COQ8A: variants seen among roughly 807,000 people sequenced by gnomAD.
COQ8A encodes the protein atypical kinase COQ8A, mitochondrial.
In COQ8A, 51 loss-of-function variants were observed where a neutral mutation model predicts 65.0. That is an observed-to-expected ratio of 0.78 (90% CI 0.63 to 0.99). The LOEUF (loss-of-function observed/expected upper bound fraction) is 0.99. Among genes scored for constraint, COQ8A ranks in the 50% least tolerant of loss-of-function variants. The pLI is 0.00. For synonymous variants in COQ8A, 371 were observed against 353.2 expected, an observed-to-expected ratio of 1.05 and a Z score of -0.57; for missense variants, 940 against 875.0, an observed-to-expected ratio of 1.07 and a Z score of -0.94.
intron 4 of COQ8A, among the ~76,000 whole-genome samples, chr1:226,966,271 G>A (rs1257928669): frequency 1.3e-5 from 2 of 152,340 alleles, no homozygotes; most frequent in East Asian, 1.9e-4. Flanking sequence ...GTTTAAAGCC[G>A]TTTGTCTGTA....
intron 1 of COQ8A, among the ~76,000 whole-genome samples, chr1:226,945,860 CATGAGCGGGATT>C (rs1202347459): frequency 6.6e-6 from 1 of 152,232 alleles, no homozygotes; most frequent in Non-Finnish European, 1.5e-5. Context: ...GTGTGCCCAC[CATGAGCGGGATT>C]ATGAAGCTGG....
intron 9 of COQ8A, 36 bp downstream of exon 9, chr1:226,983,669 G>A (rs1031831880): frequency 6.2e-7 from 1 of 1,612,654 alleles, no homozygotes; most frequent in Non-Finnish European, 8.5e-7. Flanking sequence ...GGGCAGGAGT[G>A]GGTGGCAGGC....
chr1:226,961,251 GA>G (rs2148051199), intron 1 of COQ8A, 125 bp from the exon 2 acceptor site: 1 of 1,002,246 alleles, frequency 1.0e-6, no homozygotes, highest in East Asian at 2.4e-5. Flanking sequence ...TCTCTTAGCA[GA>G]AGGGGAGATC....
At chr1:226,985,088 CAGTT>C (rs1036374554) in intron 13 of COQ8A, 147 bp downstream of exon 13, 242 of 1,302,646 alleles carry the variant, frequency 1.9e-4, no homozygotes, top group Middle Eastern at 3.8e-4. Context: ...TGACAGCAGG[CAGTT>C]AGGCTGACAG....
chr1:226,981,483 T>A (rs1486947027), intron 5 of COQ8A, among the ~76,000 whole-genome samples: 1 of 152,226 alleles, frequency 6.6e-6, no homozygotes, highest in Non-Finnish European at 1.5e-5. Context: ...CGGGCACCCC[T>A]GGGCTGTGCT....
intron 5 of COQ8A, among the ~76,000 whole-genome samples, chr1:226,980,219 G>A (rs891447152): frequency 1.3e-5 from 2 of 152,218 alleles, no homozygotes; most frequent in African/African-American, 4.8e-5. Context: ...GCACACTGCC[G>A]TAGCCCTGGG....
Position 226,984,866 on chromosome 1 carries a change from C to G in COQ8A, c.1507-10C>G. On this transcript the variant is annotated splice_polypyrimidine_tract_variant and intron_variant, in intron 12 of 14. Transcript: ENST00000366777. ...CAGGGCCAAACTTCTCCTGGTGTCT[C>G]TGTCCCCAGGTGGCTCTTTTGGATT... is the stretch of plus-strand genomic sequence containing the variant. 1 of 1,614,076 alleles carries G rather than the reference C, an allele frequency of 6.2e-7. No individual in the cohort carries two copies. The highest frequency in any genetic ancestry group is 8.5e-7 in the Non-Finnish European group (1 of 1,179,906).
At chr1:226,983,953 A>AGGGCTGGGGTTGC in intron 10 of COQ8A, 99 bp downstream of exon 10, 1 of 1,529,820 alleles carries the variant, frequency 6.5e-7, no homozygotes, top group East Asian at 2.4e-5. Context: ...TGAGGGGCAG[A>AGGGCTGGGGTTGC]GGGCTGGGGT....
chr1:226,969,531 C>T (rs538610981), intron 4 of COQ8A, among the ~76,000 whole-genome samples: 27 of 152,268 alleles, frequency 1.8e-4, no homozygotes, highest in South Asian at 1.2e-3. Flanking sequence ...CCACCGCGCC[C>T]GGCCAGATTT....
chr1:226,978,169 CT>C (rs1183914573), intron 5 of COQ8A, among the ~76,000 whole-genome samples: 1 of 150,660 alleles, frequency 6.6e-6, no homozygotes, highest in African/African-American at 2.4e-5. Flanking sequence ...ACCCACGCAC[CT>C]TTTTACATCC....
Position 226,965,386 on chromosome 1 carries a change from C to T in COQ8A, c.564C>T (p.Pro188=), listed in dbSNP as rs140897240. 20 of 1,610,710 alleles carry T rather than the reference C, an allele frequency of 1.2e-5. No individual in the cohort carries two copies. The highest frequency in any genetic ancestry group is 6.7e-5 in the East Asian group (3 of 44,838). ...AGGCCCGGCAGGCTAAGGCTCGCCC[C>T]GAGAACAAGCAGCACAAACAGACGG... ...IEKARQAKAR[P]ENKQHKQTLS... is the part of the protein sequence containing the mutation. Residue 188 remains proline (P), a synonymous_variant, in exon 3 of 15, where the codon CCC becomes CCT. Transcript: ENST00000366777.
chr1:226,962,032 C>G (rs1377432330), intron 2 of COQ8A, among the ~76,000 whole-genome samples: 1 of 152,196 alleles, frequency 6.6e-6, no homozygotes, highest in African/African-American at 2.4e-5. Flanking sequence ...TACTATCACA[C>G]TAGGGGCTAG....
intron 1 of COQ8A, among the ~76,000 whole-genome samples, chr1:226,961,041 T>C (rs1285374567): frequency 6.6e-6 from 1 of 152,168 alleles, no homozygotes; most frequent in East Asian, 1.9e-4. Context: ...ACTCAAGTCC[T>C]GGTTCTGCTG....
At chr1:226,961,282 TG>T in intron 1 of COQ8A, 94 bp from the exon 2 acceptor site, 3 of 1,381,812 alleles carry the variant, frequency 2.2e-6, no homozygotes, top group Non-Finnish European at 3.1e-6. Flanking sequence ...ACCAGCCCTC[TG>T]GACCTTCTGC....
chr1:226,982,879 G>T lies in COQ8A; in HGVS notation c.940-15G>T, dbSNP rs769293426. On this transcript the variant is annotated splice_polypyrimidine_tract_variant and intron_variant, in intron 7 of 14. Transcript: ENST00000366777. The stretch of plus-strand genomic sequence containing the variant: ...CAGGGCATGCTCAGAGCCCCTCCCT[G>T]GCCCTGCCCTTCAGAAAACTCTCAA... The T allele has an allele frequency of 7.4e-6, 12 of 1,612,724 alleles. No individual in the cohort carries two copies. In the South Asian group the frequency reaches 9.9e-5, roughly 13 times the overall value.
At chr1:226,970,904 CT>C (rs1276221955) in intron 4 of COQ8A, among the ~76,000 whole-genome samples, 2 of 152,018 alleles carry the variant, frequency 1.3e-5, no homozygotes, top group African/African-American at 4.8e-5. Context: ...ACAGTGTAGT[CT>C]GTTAATCATG....
chr1:226,963,102 G>A (rs182526663), intron 2 of COQ8A, among the ~76,000 whole-genome samples: 41 of 152,264 alleles, frequency 2.7e-4, no homozygotes, highest in Admixed American at 1.9e-3. Flanking sequence ...CCCTAATGGC[G>A]AGCAGGGCCT....
At chr1:226,984,769 C>T in intron 12 of COQ8A, 107 bp from the exon 13 acceptor site, 4 of 1,489,714 alleles carry the variant, frequency 2.7e-6, no homozygotes, top group Non-Finnish European at 3.7e-6. Flanking sequence ...GCTCAGGGCT[C>T]TGGGAGTGGG....
intron 1 of COQ8A, among the ~76,000 whole-genome samples, chr1:226,958,837 C>T (rs1001723220): frequency 4.6e-5 from 7 of 152,122 alleles, no homozygotes; most frequent in Non-Finnish European, 7.4e-5. Flanking sequence ...TACTCACAGG[C>T]GAGACCCCCA....
Sources: gnomAD v4.1 joint callset for allele counts (sites outside exome capture counted in the v4.1 genomes callset) on GRCh38, gnomAD v4.1.1 for gene constraint, MANE v1.5 for transcripts, NCBI Gene and HGNC (gene_info 2026-07-23, HGNC 2026-07-21) for gene names.